Variants in RCAN1 observed in about 807,000 individuals in gnomAD.
RCAN1 encodes calcipressin-1.
A neutral mutation model predicts 22.9 loss-of-function variants in RCAN1; 11 were observed. The ratio of observed to expected loss-of-function variants is 0.48; its 90% CI spans 0.30 to 0.79. RCAN1 has a LOEUF of 0.79. Among genes scored for constraint, RCAN1 ranks in the 30% least tolerant of loss-of-function variants. The pLI, the probability that RCAN1 is intolerant of heterozygous loss-of-function variation, is 0.06. For missense variants in RCAN1, 291 were observed against 337.8 expected, an observed-to-expected ratio of 0.86 and a Z score of 1.09; for synonymous variants, 136 against 142.3, an observed-to-expected ratio of 0.96 and a Z score of 0.32.
intron 1 of RCAN1, among the ~76,000 whole-genome samples, chr21:34,549,804 T>TCATCCATC (rs901292881): frequency 6.6e-6 from 1 of 152,018 alleles, no homozygotes; most frequent in African/African-American, 2.4e-5. Flanking sequence ...TGTCCATCCA[T>TCATCCATC]CATCCATCCA....
At chr21:34,554,026 C>T (rs747084029) in intron 1 of RCAN1, among the ~76,000 whole-genome samples, 7 of 152,132 alleles carry the variant, frequency 4.6e-5, no homozygotes, top group Admixed American at 2.0e-4. Flanking sequence ...AATTTGCTGG[C>T]ATTTTAAGGA....
intron 1 of RCAN1, among the ~76,000 whole-genome samples, chr21:34,541,769 C>A (rs1985924751): frequency 6.6e-6 from 1 of 152,208 alleles, no homozygotes; most frequent in South Asian, 2.1e-4. Context: ...ACTGTCTCTA[C>A]TAAAAACACA....
intron 1 of RCAN1, among the ~76,000 whole-genome samples, chr21:34,556,120 A>T (rs1986562896): frequency 6.9e-6 from 1 of 144,590 alleles, no homozygotes; most frequent in Non-Finnish European, 1.5e-5. Flanking sequence ...AAAAAAAAAA[A>T]AAAAGAGCAG....
At chr21:34,583,575 G>A (rs1426442543) in intron 1 of RCAN1, among the ~76,000 whole-genome samples, 1 of 152,188 alleles carries the variant, frequency 6.6e-6, no homozygotes, top group African/African-American at 2.4e-5. Context: ...ACAGAGGGAA[G>A]ACCATGTGAG....
At chr21:34,556,601 T>TA (rs1986584137) in intron 1 of RCAN1, among the ~76,000 whole-genome samples, 1 of 152,210 alleles carries the variant, frequency 6.6e-6, no homozygotes, top group Admixed American at 6.5e-5. Flanking sequence ...AGGTCTCTGA[T>TA]ACTCTGATGA....
intron 1 of RCAN1, among the ~76,000 whole-genome samples, chr21:34,570,374 T>C (rs1022774299): frequency 6.0e-4 from 91 of 152,342 alleles, no homozygotes; most frequent in Middle Eastern, 6.8e-3. Flanking sequence ...CTTCTGCATA[T>C]AGCTTTCGTT....
chr21:34,574,502 G>A (rs1987342689), intron 1 of RCAN1, among the ~76,000 whole-genome samples: 1 of 152,188 alleles, frequency 6.6e-6, no homozygotes, highest in South Asian at 2.1e-4. Context: ...GCGAAGAAGA[G>A]CCCCCAGAAG....
chr21:34,539,691 T>C (rs1363951255), intron 1 of RCAN1, among the ~76,000 whole-genome samples: 1 of 152,242 alleles, frequency 6.6e-6, no homozygotes. Context: ...CCTGTTTTTG[T>C]GTAGTGGTTT....
chr21:34,578,766 T>C (rs769764432), intron 1 of RCAN1, among the ~76,000 whole-genome samples: 6 of 152,100 alleles, frequency 3.9e-5, no homozygotes, highest in Non-Finnish European at 8.8e-5. Context: ...TGTTACCAAG[T>C]GTTACCAGAA....
At chr21:34,557,874 C>T (rs1407094692) in intron 1 of RCAN1, among the ~76,000 whole-genome samples, 3 of 152,150 alleles carry the variant, frequency 2.0e-5, no homozygotes, top group Non-Finnish European at 4.4e-5. Context: ...TCATGTAACC[C>T]TCAAGCCACT....
At position 34,518,041 on chromosome 21, in the gene RCAN1, T is replaced by TC; in HGVS notation, c.*42dup. The TC allele has an allele frequency of 6.2e-7, 1 of 1,606,722 alleles. No homozygotes were observed. Among genetic ancestry groups the TC allele is most frequent in the Non-Finnish European group, 8.5e-7 (1 of 1,175,730 alleles). On this transcript the variant is annotated 3_prime_UTR_variant, in exon 4 of 4. Coordinates refer to ENST00000313806, the MANE Select transcript of RCAN1 (RefSeq NM_004414.7). This position sits in a 1 kb window ranked among gnomAD's most constrained non-coding sequence, Gnocchi z 4.2. ...AGCCACCTCCACAGTAAAAGATTCC[T>TC]CCCGTGAGTATGATTTGGAATGCGT...
intron 1 of RCAN1, among the ~76,000 whole-genome samples, chr21:34,570,163 T>A (rs895353706): frequency 3.3e-5 from 5 of 152,216 alleles, no homozygotes; most frequent in East Asian, 1.9e-4. Flanking sequence ...AGATTTTTTT[T>A]AAAAACCATC....
At chr21:34,596,133 G>A (rs1464967054) in intron 1 of RCAN1, among the ~76,000 whole-genome samples, 1 of 152,146 alleles carries the variant, frequency 6.6e-6, no homozygotes, top group East Asian at 1.9e-4. Flanking sequence ...TGGCTATTAT[G>A]AGCCCCATCC....
chr21:34,545,549 G>C (rs903877308), intron 1 of RCAN1, among the ~76,000 whole-genome samples: 2 of 152,190 alleles, frequency 1.3e-5, no homozygotes, highest in Admixed American at 1.3e-4. Context: ...TGAAGAAGTG[G>C]GGGGCTGGCC....
At chr21:34,577,592 C>T (rs151186196) in intron 1 of RCAN1, among the ~76,000 whole-genome samples, 2,030 of 152,224 alleles carry the variant, frequency 0.013, 46 homozygotes, top group East Asian at 0.093. Context: ...GAGCCAGACC[C>T]TGTCTCAAAA....
At chr21:34,529,979 T>C (rs867199686) in intron 1 of RCAN1, among the ~76,000 whole-genome samples, 19 of 152,328 alleles carry the variant, frequency 1.2e-4, no homozygotes, top group Middle Eastern at 3.4e-3. Context: ...GTAAGAAGTG[T>C]CTTTCACCTC....
At chr21:34,587,723 A>C (rs1034401819) in intron 1 of RCAN1, among the ~76,000 whole-genome samples, 1 of 152,242 alleles carries the variant, frequency 6.6e-6, no homozygotes, top group African/African-American at 2.4e-5. Context: ...AAACAACAAT[A>C]AAAGTGAACT....
intron 1 of RCAN1, among the ~76,000 whole-genome samples, chr21:34,604,836 G>A (rs1397353948): frequency 6.6e-6 from 1 of 152,176 alleles, no homozygotes; most frequent in African/African-American, 2.4e-5. Context: ...CCAGCACAGT[G>A]CTCAGAACAG....
intron 1 of RCAN1, among the ~76,000 whole-genome samples, chr21:34,556,896 T>C (rs2123656607): frequency 6.6e-6 from 1 of 152,248 alleles, no homozygotes; most frequent in African/African-American, 2.4e-5. Flanking sequence ...GATGAAAATA[T>C]GGGGACACAT....
Sources: allele counts gnomAD v4.1 joint callset (sites outside exome capture counted in the v4.1 genomes callset), GRCh38; gene constraint gnomAD v4.1.1; non-coding constraint Gnocchi (gnomAD v3.1); transcripts MANE v1.5; gene names NCBI Gene and HGNC (gene_info 2026-07-23, HGNC 2026-07-21).